GLIS1: variants seen among roughly 807,000 people sequenced by gnomAD.
GLIS1 encodes zinc finger protein GLIS1.
Under a neutral mutation model 63.8 loss-of-function variants are expected in GLIS1, and 24 were observed. The ratio of observed to expected loss-of-function variants is 0.38; its 90% confidence interval spans 0.27 to 0.53. The LOEUF (loss-of-function observed/expected upper bound fraction) is 0.53, where lower values mean the gene tolerates loss of function less well. Ranked by LOEUF, GLIS1 falls within the 20% of genes least tolerant of loss-of-function variation. GLIS1 has a pLI of 0.85. For synonymous variants in GLIS1, 450 were observed against 482.5 expected (o/e 0.93, Z 0.88); for missense variants, 1,036 against 1,074.1 (o/e 0.96, Z 0.50).
rs961309558 is a variant in GLIS1, at chr1:53,560,157, C to T, written c.1321-30205G>A. Among the ~76,000 whole-genome samples the T allele has an allele frequency of 5.3e-5, 8 of 152,190 alleles. No individual in the cohort carries two copies. The highest frequency in any genetic ancestry group is 1.9e-4 in the African/African-American group (8 of 41,444). On this transcript the variant is annotated intron_variant, in intron 4 of 10. Coordinates refer to ENST00000628545, the MANE Select transcript of GLIS1 (RefSeq NM_001367484.1). The surrounding 1 kb of genome is among the most constrained non-coding windows in gnomAD (Gnocchi z 4.4). ...CTCTGCTGTGGGCAGGGACTGCCTC[C>T]TTGATGAAGATACAGAAATGAATCC...
chr1:53,560,541 A>C lies in GLIS1; in HGVS notation c.1321-30589T>G, dbSNP rs1169925090. Among the ~76,000 whole-genome samples, 2 of 152,150 alleles carry C rather than the reference A, an allele frequency of 1.3e-5. No homozygotes were observed. Among genetic ancestry groups the C allele is most frequent in the African/African-American group, 2.4e-5 (1 of 41,428 alleles). On this transcript the variant is annotated intron_variant, in intron 4 of 10. Coordinates refer to ENST00000628545, the MANE Select transcript of GLIS1 (RefSeq NM_001367484.1). The surrounding 1 kb of genome is among the most constrained non-coding windows in gnomAD (Gnocchi z 4.4). ...CCTTCGTACCTTCCAGGGAGAGTGG[A>C]GGCTGTGGTCGGGAGGGCAGAGCGG... is the stretch of plus-strand genomic sequence containing the variant.
chr1:53,659,827 A>T (rs139542076), intron 2 of GLIS1, among the ~76,000 whole-genome samples: 1 of 152,334 alleles, frequency 6.6e-6, no homozygotes, highest in East Asian at 1.9e-4. Flanking sequence ...CTATGTGAGG[A>T]TTAATGAGAT....
intron 7 of GLIS1, among the ~76,000 whole-genome samples, chr1:53,518,978 G>A (rs1049536878): frequency 6.6e-6 from 1 of 152,230 alleles, no homozygotes; most frequent in Non-Finnish European, 1.5e-5. Context: ...AACTGACGGG[G>A]TAGGTACAAG....
chr1:53,583,660 T>C (rs6588481), intron 4 of GLIS1, among the ~76,000 whole-genome samples: 5,825 of 152,246 alleles, frequency 0.038, 377 homozygotes, highest in African/African-American at 0.13. Flanking sequence ...ATTTGGAAAT[T>C]GCTACTTGCA....
At position 53,590,645 on chromosome 1, in the gene GLIS1, G is replaced by A. The variant is rs185860614; in HGVS notation, c.1320+3463C>T. Reference sequence around the variant, plus strand: ...AGTCGTCGCGTCAGTATTTGGGTTGGACGGGTAACCTTGTTATCGTAACAC... The same window carrying A: ...AGTCGTCGCGTCAGTATTTGGGTTGAACGGGTAACCTTGTTATCGTAACAC... On this transcript the variant is annotated intron_variant, in intron 4 of 10. Coordinates refer to ENST00000628545, the MANE Select transcript of GLIS1 (RefSeq NM_001367484.1). Among the ~76,000 whole-genome samples, 3 of 152,350 alleles carry A rather than the reference G, an allele frequency of 2.0e-5. No homozygotes were observed. In the East Asian group the frequency reaches 5.8e-4, roughly 29 times the overall value.
intron 4 of GLIS1, among the ~76,000 whole-genome samples, chr1:53,582,751 G>T (rs964440219): frequency 6.6e-6 from 1 of 152,190 alleles, no homozygotes; most frequent in African/African-American, 2.4e-5. Flanking sequence ...TGCCTCTTTC[G>T]CTCTGCAATT....
intron 2 of GLIS1, among the ~76,000 whole-genome samples, chr1:53,676,897 G>A (rs1020432430): frequency 6.6e-6 from 1 of 152,192 alleles, no homozygotes; most frequent in Admixed American, 6.5e-5. Context: ...ATACTAGAAT[G>A]AGAAGGCTTT....
At chr1:53,655,767 T>C (rs1006230843) in intron 2 of GLIS1, among the ~76,000 whole-genome samples, 6 of 152,206 alleles carry the variant, frequency 3.9e-5, no homozygotes, top group Admixed American at 6.5e-5. Flanking sequence ...AGGCAGGCAA[T>C]AACCTTGTGC....
At chr1:53,651,025 A>C (rs1259743422) in intron 2 of GLIS1, among the ~76,000 whole-genome samples, 1 of 152,256 alleles carries the variant, frequency 6.6e-6, no homozygotes, top group Non-Finnish European at 1.5e-5. Flanking sequence ...ACAGTCTGAG[A>C]GGCCAGAGTC....
rs372756824 is a variant in GLIS1, at chr1:53,596,386, CT to C, written c.438-1397del. On this transcript the variant is annotated intron_variant, in intron 3 of 10. Coordinates refer to ENST00000628545, the MANE Select transcript of GLIS1 (RefSeq NM_001367484.1). The stretch of plus-strand genomic sequence containing the variant: ...CAGGGCTGAGAGTTAGGACACCCCC[CT>C]GGCTGGCTAGGCAGAACAGGGAGCC... Among the ~76,000 whole-genome samples, 4 of 152,284 alleles carry C rather than the reference CT, an allele frequency of 2.6e-5. 1 individual carries two copies. Among genetic ancestry groups the C allele is most frequent in the African/African-American group, 9.6e-5 (4 of 41,564 alleles).
At chr1:53,523,956 G>T (rs760870449) in intron 6 of GLIS1, among the ~76,000 whole-genome samples, 19 of 152,288 alleles carry the variant, frequency 1.2e-4, no homozygotes, top group Middle Eastern at 3.4e-3. Flanking sequence ...CCCTCTCAGC[G>T]CCAGTCACTC....
chr1:53,590,923 C>T (rs1445902774), intron 4 of GLIS1, among the ~76,000 whole-genome samples: 1 of 152,034 alleles, frequency 6.6e-6, no homozygotes, highest in East Asian at 1.9e-4. Context: ...TGCCTGGTGC[C>T]GGAGCAGAGG....
At chr1:53,716,017 G>A (rs1222579096) in intron 2 of GLIS1, among the ~76,000 whole-genome samples, 1 of 152,220 alleles carries the variant, frequency 6.6e-6, no homozygotes, top group African/African-American at 2.4e-5. Context: ...CACTGCAGGG[G>A]AGGTCACTGC....
At chr1:53,595,430 G>A (rs1187453398) in intron 3 of GLIS1, among the ~76,000 whole-genome samples, 1 of 152,176 alleles carries the variant, frequency 6.6e-6, no homozygotes, top group Non-Finnish European at 1.5e-5. Context: ...TGAGGTAGGA[G>A]GATTGCTTGA....
chr1:53,511,352 G>C lies in GLIS1; in HGVS notation c.1884-1325C>G, dbSNP rs1393899093. Among the ~76,000 whole-genome samples, 3 of 152,210 alleles carry C rather than the reference G, an allele frequency of 2.0e-5. No homozygotes were observed. The highest frequency in any genetic ancestry group is 1.5e-5 in the Non-Finnish European group (1 of 68,038). ...TCAGTGCCTCTCTGAAGGAAGCAGG[G>C]CTATCTGGAAATGGGGAAAGCAGAT... On this transcript the variant is annotated intron_variant, in intron 8 of 10. Transcript: ENST00000628545. This position sits in a 1 kb window ranked among gnomAD's most constrained non-coding sequence, Gnocchi z 4.2.
intron 8 of GLIS1, among the ~76,000 whole-genome samples, chr1:53,513,753 C>T (rs984587087): frequency 7.2e-5 from 11 of 152,192 alleles, no homozygotes; most frequent in African/African-American, 1.7e-4. Context: ...AATTGAACAC[C>T]GAATGAATGG....
intron 2 of GLIS1, among the ~76,000 whole-genome samples, chr1:53,660,386 T>C (rs556032855): frequency 9.8e-5 from 15 of 152,338 alleles, no homozygotes; most frequent in African/African-American, 3.6e-4. Context: ...CATCAGGCCC[T>C]GAATGTCAGA....
intron 2 of GLIS1, among the ~76,000 whole-genome samples, chr1:53,618,150 G>A (rs933872841): frequency 3.3e-5 from 5 of 152,214 alleles, no homozygotes; most frequent in African/African-American, 4.8e-5. Flanking sequence ...CCCACTGGCC[G>A]ATCAGCAGAG....
chr1:53,654,772 G>A (rs1039797475), intron 2 of GLIS1, among the ~76,000 whole-genome samples: 7 of 152,122 alleles, frequency 4.6e-5, no homozygotes, highest in Non-Finnish European at 7.4e-5. Context: ...TAGGAGCAGC[G>A]TCGTGCCGCT....
Sources: gnomAD v4.1 joint callset for allele counts (sites outside exome capture counted in the v4.1 genomes callset) on GRCh38, gnomAD v4.1.1 for gene constraint, Gnocchi (gnomAD v3.1) non-coding constraint, MANE v1.5 for transcripts, NCBI Gene and HGNC (gene_info 2026-07-23, HGNC 2026-07-21) for gene names.